Variants in PALM2AKAP2 observed in about 807,000 individuals in gnomAD.
PALM2AKAP2 encodes the protein PALM2-AKAP2 fusion protein.
A neutral mutation model predicts 71.5 loss-of-function variants in PALM2AKAP2; 37 were observed. That is an observed-to-expected ratio of 0.52 (90% CI 0.40 to 0.68). The LOEUF (loss-of-function observed/expected upper bound fraction) is 0.68. Among genes scored for constraint, PALM2AKAP2 ranks in the 30% least tolerant of loss-of-function variants. The pLI, the probability that PALM2AKAP2 is intolerant of heterozygous loss-of-function variation, is 0.00. For missense variants in PALM2AKAP2, 1,224 were observed against 1,191.8 expected (o/e 1.03, Z -0.40); for synonymous variants, 468 against 478.8 (o/e 0.98, Z 0.29).
At chr9:109,893,722 A>G (rs1191620731) in intron 3 of PALM2AKAP2, among the ~76,000 whole-genome samples, 1 of 152,152 alleles carries the variant, frequency 6.6e-6, no homozygotes, top group African/African-American at 2.4e-5. Context: ...TGCTGGGATT[A>G]CAGGCATGAG....
chr9:109,910,258 A>G (rs1830538599), intron 3 of PALM2AKAP2, among the ~76,000 whole-genome samples: 1 of 152,158 alleles, frequency 6.6e-6, no homozygotes, highest in Admixed American at 6.5e-5. Flanking sequence ...TGAGCTAGAG[A>G]ATAGGGAGGA....
Position 109,710,097 on chromosome 9 carries a change from C to T in PALM2AKAP2, c.5+69231C>T, listed in dbSNP as rs1240929304. Among the ~76,000 whole-genome samples the T allele has an allele frequency of 2.0e-5, 3 of 152,152 alleles. No individual in the cohort carries two copies. The East Asian group carries it at 5.8e-4, about 29-fold the overall frequency. ...ACAAGCCAAGGAATGCCAAGTATTG[C>T]TGGCAGCTGGCAGAAGCTAGGAGAA... On this transcript the variant is annotated intron_variant, in intron 1 of 6. Transcript: ENST00000374531.
At chr9:109,668,802 G>T (rs1274680022) in intron 1 of PALM2AKAP2, among the ~76,000 whole-genome samples, 1 of 152,162 alleles carries the variant, frequency 6.6e-6, no homozygotes, top group Non-Finnish European at 1.5e-5. Context: ...TTCCATTGGT[G>T]CCTCCACCTT....
At chr9:109,808,458 CT>C (rs1416779667) in intron 1 of PALM2AKAP2, among the ~76,000 whole-genome samples, 1 of 152,178 alleles carries the variant, frequency 6.6e-6, no homozygotes, top group Non-Finnish European at 1.5e-5. Context: ...GGCAGAAGAA[CT>C]TTCTAAGCAG....
intron 1 of PALM2AKAP2, among the ~76,000 whole-genome samples, chr9:110,079,082 C>A (rs1052759352): frequency 6.6e-6 from 1 of 152,168 alleles, no homozygotes; most frequent in Non-Finnish European, 1.5e-5. Flanking sequence ...TATTAGCCTG[C>A]CAAGAAATAT....
At chr9:109,843,337 T>C (rs1295190487) in intron 1 of PALM2AKAP2, among the ~76,000 whole-genome samples, 3 of 151,346 alleles carry the variant, frequency 2.0e-5, no homozygotes, top group Non-Finnish European at 4.4e-5. Context: ...AGAAGACTTT[T>C]TGAATTAAAG....
At chr9:110,043,819 C>T (rs1253955808), upstream of PALM2AKAP2, among the ~76,000 whole-genome samples, 1 of 145,260 alleles carries the variant, frequency 6.9e-6, no homozygotes, top group Non-Finnish European at 1.5e-5. Context: ...CTCCTGGGTC[C>T]AAGCAATCCT....
rs78203372 is a variant in PALM2AKAP2, at chr9:109,973,044, C to T, written c.496+41016C>T. 7.8e-4 allele frequency among the ~76,000 whole-genome samples: 119 copies of T among 152,156 alleles called. 3 individuals are homozygous for T. In the East Asian group the frequency reaches 0.017, roughly 22 times the overall value. ...GAATCAATAATCCATGAAAGAAACC[C>T]TGGATAGGGTTTTTAGGACACAGGC... is the stretch of plus-strand genomic sequence containing the variant. On this transcript the variant is annotated intron_variant, in intron 6 of 9. Coordinates refer to the PALM2AKAP2 transcript ENST00000302798.
intron 2 of PALM2AKAP2, among the ~76,000 whole-genome samples, chr9:109,876,321 G>A (rs1450155427): frequency 6.6e-6 from 1 of 152,146 alleles, no homozygotes; most frequent in African/African-American, 2.4e-5. Flanking sequence ...TCTGGAGTCA[G>A]TTAAGGAAGC....
chr9:110,171,041 T>TA (rs1389267005), exon 4 of PALM2AKAP2: 3 of 152,230 alleles, frequency 2.0e-5, no homozygotes, highest in African/African-American at 7.2e-5. Context: ...ATAGACATGA[T>TA]ATAGACTAAC....
intron 3 of PALM2AKAP2, 59 bp from the exon 10 acceptor site, chr9:110,162,035 G>T: frequency 6.3e-7 from 1 of 1,593,840 alleles, no homozygotes; most frequent in South Asian, 1.1e-5. Flanking sequence ...CCGGCTAGGG[G>T]GTGTTCTGTA....
intron 1 of PALM2AKAP2, among the ~76,000 whole-genome samples, chr9:109,763,667 C>T (rs1829097537): frequency 6.6e-6 from 1 of 152,140 alleles, no homozygotes; most frequent in Non-Finnish European, 1.5e-5. Context: ...ATCAAGGTGT[C>T]AGCAGGGTTG....
intron 1 of PALM2AKAP2, among the ~76,000 whole-genome samples, chr9:109,683,503 C>G (rs1206777899): frequency 6.6e-6 from 1 of 152,180 alleles, no homozygotes; most frequent in Non-Finnish European, 1.5e-5. Flanking sequence ...GATTCTTCCT[C>G]ATAACCTCCA....
intron 1 of PALM2AKAP2, among the ~76,000 whole-genome samples, chr9:109,826,305 G>A (rs942141444): frequency 2.0e-5 from 3 of 152,056 alleles, no homozygotes; most frequent in African/African-American, 7.2e-5. Flanking sequence ...CATGGCACAT[G>A]TATACATATG....
chr9:110,116,741 A>G (rs926820546), intron 1 of PALM2AKAP2, among the ~76,000 whole-genome samples: 2 of 152,248 alleles, frequency 1.3e-5, no homozygotes, highest in African/African-American at 4.8e-5. Context: ...CAGTGAGCCA[A>G]TAACTCATCT....
chr9:109,831,134 A>C (rs1033651649), intron 1 of PALM2AKAP2, among the ~76,000 whole-genome samples: 1 of 136,076 alleles, frequency 7.3e-6, no homozygotes, highest in African/African-American at 3.0e-5. Flanking sequence ...GGTTGTTAAT[A>C]CTTCCCCTAC....
intron 6 of PALM2AKAP2, among the ~76,000 whole-genome samples, chr9:109,938,427 G>T (rs1831281714): frequency 6.6e-6 from 1 of 151,994 alleles, no homozygotes; most frequent in Non-Finnish European, 1.5e-5. Context: ...TGTGATTTGT[G>T]GTTCCTCTGA....
At chr9:109,747,303 C>T in intron 1 of PALM2AKAP2, among the ~76,000 whole-genome samples, 1 of 152,138 alleles carries the variant, frequency 6.6e-6, no homozygotes, top group East Asian at 1.9e-4. Flanking sequence ...GTTAAAAAGT[C>T]ACTGGTATTG....
At chr9:109,830,611 T>C (rs1285495795) in intron 1 of PALM2AKAP2, among the ~76,000 whole-genome samples, 1 of 152,206 alleles carries the variant, frequency 6.6e-6, no homozygotes, top group Non-Finnish European at 1.5e-5. Context: ...ATGGAGTATG[T>C]TTATTTAATT....
Sources: allele counts gnomAD v4.1 joint callset (sites outside exome capture counted in the v4.1 genomes callset), GRCh38; gene constraint gnomAD v4.1.1; transcripts MANE v1.5; gene names NCBI Gene and HGNC (gene_info 2026-07-23, HGNC 2026-07-21).